DNAJC15: variants seen among roughly 807,000 people sequenced by gnomAD.
The protein encoded by DNAJC15 is DnaJ heat shock protein family (Hsp40) member C15.
In DNAJC15, 27 loss-of-function variants were observed where a neutral mutation model predicts 22.4. That is an observed-to-expected ratio of 1.20 (90% CI 0.89 to 1.66). The LOEUF is 1.66. Among genes scored for constraint, DNAJC15 ranks in the 40% most tolerant of loss-of-function variants. The probability of loss-of-function intolerance (pLI) is 0.00; values close to 1 mark genes in which losing one functional copy is unlikely to be tolerated. For synonymous variants in DNAJC15, 79 were observed against 63.2 expected (o/e 1.25, Z -1.19); for missense variants, 208 against 187.1 (o/e 1.11, Z -0.65).
intron 5 of DNAJC15, among the ~76,000 whole-genome samples, chr13:43,097,912 G>T (rs186772341): frequency 6.6e-6 from 1 of 152,232 alleles, no homozygotes; most frequent in African/African-American, 2.4e-5. Flanking sequence ...ACTCTAGCCT[G>T]GGCAACAAGA....
chr13:43,028,793 T>G (rs1366175279), intron 1 of DNAJC15, among the ~76,000 whole-genome samples: 1 of 152,180 alleles, frequency 6.6e-6, no homozygotes, highest in East Asian at 1.9e-4. Flanking sequence ...ACACATCCAG[T>G]GTGAAGCCTT....
At chr13:43,075,854 G>C (rs1417982485) in intron 3 of DNAJC15, among the ~76,000 whole-genome samples, 1 of 152,124 alleles carries the variant, frequency 6.6e-6, no homozygotes, top group Non-Finnish European at 1.5e-5. Context: ...AGTAGAGACG[G>C]GGTTTCACTG....
chr13:43,092,781 G>A (rs1307397971), intron 5 of DNAJC15, among the ~76,000 whole-genome samples: 2 of 152,136 alleles, frequency 1.3e-5, no homozygotes, highest in African/African-American at 4.8e-5. Context: ...GGACATGGTG[G>A]CACATGCCAG....
Position 43,032,815 on chromosome 13 carries a change from ACT to A in DNAJC15, c.108+9084_108+9085del, listed in dbSNP as rs370106059. Among the ~76,000 whole-genome samples the A allele has an allele frequency of 4.8e-4, 73 of 152,254 alleles. 1 individual carries two copies. Among genetic ancestry groups the A allele is most frequent in the African/African-American group, 1.7e-3 (70 of 41,534 alleles). ...ACTGTAGCCTGGGTGACAGAGCAAG[ACT>A]CTGTCTCAACAACAACAAAAAGAAG... On this transcript the variant is annotated intron_variant, in intron 1 of 5. Coordinates refer to ENST00000379221, the MANE Select transcript of DNAJC15 (RefSeq NM_013238.3).
chr13:43,073,501 G>A (rs2040618337), intron 3 of DNAJC15, among the ~76,000 whole-genome samples: 1 of 151,998 alleles, frequency 6.6e-6, no homozygotes, highest in African/African-American at 2.4e-5. Context: ...ACAGGTACCT[G>A]GCCTCTTATG....
chr13:43,072,624 C>T (rs1234712477), intron 3 of DNAJC15, among the ~76,000 whole-genome samples: 4 of 150,252 alleles, frequency 2.7e-5, no homozygotes, highest in Non-Finnish European at 2.9e-5. Context: ...AGTGCGGTTG[C>T]GCAATCTCGG....
intron 3 of DNAJC15, among the ~76,000 whole-genome samples, chr13:43,072,618 C>T (rs371251986): frequency 2.5e-4 from 38 of 149,800 alleles, no homozygotes; most frequent in African/African-American, 8.9e-4. Flanking sequence ...CCTAGTAGTG[C>T]GGTTGCGCAA....
At chr13:43,070,640 T>G (rs776927011) in intron 3 of DNAJC15, among the ~76,000 whole-genome samples, 16 of 152,090 alleles carry the variant, frequency 1.1e-4, no homozygotes, top group Non-Finnish European at 1.9e-4. Context: ...AAGAGCTTCC[T>G]AGGTGGTGGG....
chr13:43,032,263 T>C (rs2040407492), intron 1 of DNAJC15, among the ~76,000 whole-genome samples: 2 of 152,212 alleles, frequency 1.3e-5, no homozygotes, highest in Admixed American at 1.3e-4. Context: ...TTAGCTCTTC[T>C]AACAGAACAG....
chr13:43,030,423 C>T (rs988317220), intron 1 of DNAJC15, among the ~76,000 whole-genome samples: 1 of 152,164 alleles, frequency 6.6e-6, no homozygotes, highest in African/African-American at 2.4e-5. Flanking sequence ...AACAAACCTG[C>T]ACATCTAGCT....
intron 4 of DNAJC15, among the ~76,000 whole-genome samples, chr13:43,079,939 G>T (rs1463608236): frequency 6.6e-6 from 1 of 152,140 alleles, no homozygotes; most frequent in Non-Finnish European, 1.5e-5. Flanking sequence ...ACAAATACCA[G>T]TTTAACACCT....
At chr13:43,064,970 G>GAA (rs34236620) in intron 1 of DNAJC15, among the ~76,000 whole-genome samples, 35 of 142,610 alleles carry the variant, frequency 2.5e-4, no homozygotes, top group South Asian at 6.6e-4. Flanking sequence ...TGATCATATT[G>GAA]AAAAAAAAAA....
intron 1 of DNAJC15, among the ~76,000 whole-genome samples, chr13:43,038,284 G>GA (rs1320259392): frequency 6.6e-6 from 1 of 152,188 alleles, no homozygotes; most frequent in Non-Finnish European, 1.5e-5. Context: ...ATCAGTTCAG[G>GA]AGATTGTTCA....
At chr13:43,065,060 G>T (rs2040577189) in intron 1 of DNAJC15, among the ~76,000 whole-genome samples, 1 of 151,934 alleles carries the variant, frequency 6.6e-6, no homozygotes, top group Non-Finnish European at 1.5e-5. Context: ...ATAGTTTCCT[G>T]AGATGTTTAA....
chr13:43,078,395 ATC>A (rs1056939927), intron 3 of DNAJC15, among the ~76,000 whole-genome samples: 5 of 152,170 alleles, frequency 3.3e-5, no homozygotes, highest in African/African-American at 4.8e-5. Context: ...AGAAAAATTA[ATC>A]TGTTTTAAAG....
intron 1 of DNAJC15, among the ~76,000 whole-genome samples, chr13:43,034,798 TG>T (rs1393063664): frequency 2.6e-5 from 4 of 152,246 alleles, no homozygotes; most frequent in Non-Finnish European, 4.4e-5. Context: ...CCCAACGTTG[TG>T]GGGGTTTTTT....
At chr13:43,076,233 A>G (rs569719937) in intron 3 of DNAJC15, among the ~76,000 whole-genome samples, 6 of 152,314 alleles carry the variant, frequency 3.9e-5, no homozygotes, top group Admixed American at 2.0e-4. Context: ...CATCTGTGTG[A>G]TGAAGGACAG....
At chr13:43,033,977 G>A (rs1429220184) in intron 1 of DNAJC15, among the ~76,000 whole-genome samples, 2 of 148,790 alleles carry the variant, frequency 1.3e-5, no homozygotes, top group East Asian at 2.0e-4. Context: ...GCAGTGACCC[G>A]AGATCATGTT....
intron 1 of DNAJC15, 35 bp downstream of exon 1, chr13:43,023,769 C>G: frequency 6.4e-7 from 1 of 1,560,854 alleles, no homozygotes; most frequent in Non-Finnish European, 8.7e-7. Flanking sequence ...CCCTCTCTGG[C>G]TCCCTTGTAG....
Sources: gnomAD v4.1 joint callset for allele counts (sites outside exome capture counted in the v4.1 genomes callset) on GRCh38, gnomAD v4.1.1 for gene constraint, MANE v1.5 for transcripts, NCBI Gene and HGNC (gene_info 2026-07-23, HGNC 2026-07-21) for gene names.